The following SPECC1 variants were observed in gnomAD, a reference collection of about 807,000 sequenced individuals.
The protein encoded by SPECC1 is sperm antigen with calponin homology and coiled-coil domains 1.
In SPECC1, 62 loss-of-function variants were observed where a neutral mutation model predicts 104.1. That is an observed-to-expected ratio of 0.60 (90% CI 0.49 to 0.74). The LOEUF is 0.74. Among genes scored for constraint, SPECC1 ranks in the 30% least tolerant of loss-of-function variants. The pLI is 0.00. For synonymous variants in SPECC1, 513 were observed against 501.6 expected (o/e 1.02, Z -0.30); for missense variants, 1,306 against 1,310.5 (o/e 1.00, Z 0.05).
intron 14 of SPECC1, among the ~76,000 whole-genome samples, chr17:20,306,951 T>A (rs1856193415): frequency 6.6e-6 from 1 of 150,840 alleles, no homozygotes; most frequent in Non-Finnish European, 1.5e-5. Context: ...TATTTAAACA[T>A]GAAAGAGATA....
intron 13 of SPECC1, among the ~76,000 whole-genome samples, chr17:20,301,758 C>T (rs746841148): frequency 6.6e-6 from 1 of 152,048 alleles, no homozygotes; most frequent in East Asian, 1.9e-4. Flanking sequence ...CAGGCTGGAG[C>T]GCAGTGGTAC....
At chr17:20,097,155 C>G (rs1209686508) in intron 2 of SPECC1, among the ~76,000 whole-genome samples, 2 of 152,138 alleles carry the variant, frequency 1.3e-5, no homozygotes, top group Admixed American at 6.5e-5. Flanking sequence ...TCTTCAAGCC[C>G]CTCTTACTGG....
At chr17:20,139,820 G>A (rs1399805274) in intron 3 of SPECC1, among the ~76,000 whole-genome samples, 4 of 152,108 alleles carry the variant, frequency 2.6e-5, no homozygotes, top group Admixed American at 2.6e-4. Flanking sequence ...GATGACAGGT[G>A]CCCATCACCA....
chr17:20,297,299 C>T (rs1352950598), intron 13 of SPECC1, among the ~76,000 whole-genome samples: 2 of 152,218 alleles, frequency 1.3e-5, no homozygotes, highest in Non-Finnish European at 2.9e-5. Context: ...GGTTTCAAGA[C>T]CTTGGCCAGC....
intron 3 of SPECC1, among the ~76,000 whole-genome samples, chr17:20,199,389 T>G (rs1254080528): frequency 7.1e-6 from 1 of 140,654 alleles, no homozygotes; most frequent in Non-Finnish European, 1.5e-5. Context: ...GCTGGTTTTT[T>G]TTTTTTTTTT....
At chr17:20,048,161 T>G (rs1348955399) in intron 1 of SPECC1, among the ~76,000 whole-genome samples, 2 of 145,386 alleles carry the variant, frequency 1.4e-5, no homozygotes, top group Admixed American at 7.0e-5. Context: ...TGAGACAGAG[T>G]CTTGCTCTGT....
At chr17:20,084,464 A>G (rs1290457397) in intron 1 of SPECC1, among the ~76,000 whole-genome samples, 1 of 152,180 alleles carries the variant, frequency 6.6e-6, no homozygotes, top group East Asian at 1.9e-4. Context: ...GTAACAAATA[A>G]TAACAAAAAT....
At chr17:20,170,667 T>G (rs2034019669) in intron 3 of SPECC1, among the ~76,000 whole-genome samples, 1 of 152,190 alleles carries the variant, frequency 6.6e-6, no homozygotes. Flanking sequence ...ATATCATTCT[T>G]TCTCTGTTAT....
At chr17:20,117,355 C>T (rs1316507291) in intron 3 of SPECC1, among the ~76,000 whole-genome samples, 1 of 151,968 alleles carries the variant, frequency 6.6e-6, no homozygotes, top group Non-Finnish European at 1.5e-5. Context: ...TAAGTAGGAA[C>T]AGACACAGAA....
intron 1 of SPECC1, among the ~76,000 whole-genome samples, chr17:20,025,479 T>G (rs58474255): frequency 0.01 from 1,531 of 152,340 alleles, 17 homozygotes; most frequent in African/African-American, 0.034. Context: ...TGGTCATTTG[T>G]GACTGGCTTC....
At chr17:20,167,545 G>A (rs1406439995) in intron 3 of SPECC1, among the ~76,000 whole-genome samples, 2 of 152,142 alleles carry the variant, frequency 1.3e-5, no homozygotes, top group South Asian at 2.1e-4. Flanking sequence ...GGGCATAGTG[G>A]TGCATGCCTG....
intron 4 of SPECC1, among the ~76,000 whole-genome samples, chr17:20,225,226 G>C (rs2038128883): frequency 6.6e-6 from 1 of 152,164 alleles, no homozygotes; most frequent in Admixed American, 6.5e-5. Flanking sequence ...TGCTGCCTGG[G>C]GTTGGGGGAA....
At chr17:20,083,548 T>G (rs4925079) in intron 1 of SPECC1, among the ~76,000 whole-genome samples, 1 of 152,072 alleles carries the variant, frequency 6.6e-6, no homozygotes, top group Non-Finnish European at 1.5e-5. Flanking sequence ...TTTTTGTGTG[T>G]GTGCTATTCA....
Position 20,291,769 on chromosome 17 carries a change from C to T in SPECC1, c.2941-5192C>T, listed in dbSNP as rs145808789. ...CATGTTGGCCTGTCCGGTCTCAAACCCCTGAGCTCAAGTGATCTGCCTGCA... is the reference window on the plus strand; with the variant it reads ...CATGTTGGCCTGTCCGGTCTCAAACTCCTGAGCTCAAGTGATCTGCCTGCA... On this transcript the variant is annotated intron_variant, in intron 12 of 14. Transcript: ENST00000395527. 9.2e-5 allele frequency among the ~76,000 whole-genome samples: 14 copies of T among 152,004 alleles called. No homozygotes were observed. The East Asian group carries it at 2.1e-3, about 23-fold the overall frequency.
chr17:20,252,156 T>A lies in SPECC1; in HGVS notation c.2599-1349T>A, dbSNP rs189211051. On this transcript the variant is annotated intron_variant, in intron 9 of 14. Transcript: ENST00000395527. ...GCTTACTTGCATTCTGAAATGCTTT[T>A]TTAAATGGCAGTAAAAAAAATACAC... is the stretch of plus-strand genomic sequence containing the variant. Among the ~76,000 whole-genome samples, 8 of 152,324 alleles carry A rather than the reference T, an allele frequency of 5.3e-5. No individual in the cohort carries two copies. The East Asian group carries it at 1.5e-3, about 29-fold the overall frequency.
chr17:20,094,678 A>AT (rs11297866), intron 1 of SPECC1, among the ~76,000 whole-genome samples: 8 of 150,384 alleles, frequency 5.3e-5, no homozygotes, highest in African/African-American at 1.9e-4. Context: ...CCAGTCCTTT[A>AT]TTTTTTTTTT....
chr17:20,195,367 A>G (rs1014107161), intron 3 of SPECC1, among the ~76,000 whole-genome samples: 2 of 122,096 alleles, frequency 1.6e-5, no homozygotes, highest in Non-Finnish European at 3.5e-5. Flanking sequence ...TATAATTATT[A>G]ATAACACACT....
At chr17:20,055,436 G>A (rs913784817) in intron 1 of SPECC1, among the ~76,000 whole-genome samples, 1 of 152,106 alleles carries the variant, frequency 6.6e-6, no homozygotes, top group Non-Finnish European at 1.5e-5. Context: ...CTCATAAACA[G>A]TGCACAAAAG....
At chr17:20,183,680 A>G (rs1275112773) in intron 3 of SPECC1, among the ~76,000 whole-genome samples, 1 of 152,174 alleles carries the variant, frequency 6.6e-6, no homozygotes, top group Non-Finnish European at 1.5e-5. Flanking sequence ...TACCTAATAC[A>G]ATGTAAATGC....
Sources: gnomAD v4.1 joint callset for allele counts (sites outside exome capture counted in the v4.1 genomes callset) on GRCh38, gnomAD v4.1.1 for gene constraint, MANE v1.5 for transcripts, NCBI Gene and HGNC (gene_info 2026-07-23, HGNC 2026-07-21) for gene names.